Variants in MYOF observed in about 807,000 individuals in gnomAD.
The protein encoded by MYOF is myoferlin.
Under a neutral mutation model 284.2 loss-of-function variants are expected in MYOF, and 244 were observed. The ratio of observed to expected loss-of-function variants is 0.86; its 90% confidence interval spans 0.77 to 0.95. The LOEUF (loss-of-function observed/expected upper bound fraction) is 0.95, where lower values mean the gene tolerates loss of function less well. Among genes scored for constraint, MYOF ranks in the 40% least tolerant of loss-of-function variants. The pLI is 0.00. For missense variants in MYOF, 2,496 were observed against 2,560.6 expected, an observed-to-expected ratio of 0.97 and a Z score of 0.54; for synonymous variants, 904 against 919.7, an observed-to-expected ratio of 0.98 and a Z score of 0.31.
chr10:93,395,445 AAAAT>A (rs1467325238), intron 16 of MYOF, among the ~76,000 whole-genome samples: 2 of 152,224 alleles, frequency 1.3e-5, no homozygotes, highest in African/African-American at 2.4e-5. Context: ...TCTATCTCAA[AAAAT>A]AAATAAGCTG....
chr10:93,441,611 C>T (rs1037859362), intron 3 of MYOF, among the ~76,000 whole-genome samples: 23 of 149,642 alleles, frequency 1.5e-4, no homozygotes, highest in Admixed American at 2.7e-4. Context: ...TCACCCAGGC[C>T]GGAGTGCAAT....
Position 93,323,263 on chromosome 10 carries a change from G to GACTT in MYOF, c.5360+3_5360+6dup. On this transcript the variant is annotated splice_region_variant and intron_variant, in intron 47 of 53. Transcript: ENST00000359263. ...TATGTATCAGGGTCTCAGGATGACTGACTTACTTCTTGGCTTTCCGGGGTG... is the reference window on the plus strand; with the variant it reads ...TATGTATCAGGGTCTCAGGATGACTGACTTACTTACTTCTTGGCTTTCCGGGGTG... 1.2e-6 allele frequency: 2 copies of GACTT among 1,614,066 alleles called. No individual in the cohort carries two copies. The highest frequency in any genetic ancestry group is 8.5e-7 in the Non-Finnish European group (1 of 1,179,918).
At chr10:93,403,994 G>A (rs151034206) in intron 9 of MYOF, 29 bp downstream of exon 9, 1 of 1,608,752 alleles carries the variant, frequency 6.2e-7, no homozygotes, top group African/African-American at 1.3e-5. Context: ...CTTTCTGTAA[G>A]TTGAATGAAG....
chr10:93,311,973 A>G (rs972380078), intron 51 of MYOF, among the ~76,000 whole-genome samples: 3 of 152,200 alleles, frequency 2.0e-5, no homozygotes, highest in Non-Finnish European at 4.4e-5. Flanking sequence ...AGAGAGCACA[A>G]GGAAATTTTG....
rs776831136 is a variant in MYOF at position 93,325,939 on chromosome 10, G to A, written c.5158C>T (p.Leu1720Phe). 2 of 1,613,972 alleles carry A rather than the reference G, an allele frequency of 1.2e-6. No homozygotes were observed. The highest frequency in any genetic ancestry group is 8.5e-7 in the Non-Finnish European group (1 of 1,180,018). Residue 1720 changes from leucine to phenylalanine, a missense_variant, in exon 46 of 54, where the codon CTC (leucine) becomes TTC (phenylalanine). This residue lies in a region of MYOF where 2,436 missense variants were observed against 2,480.7 expected (regional missense o/e 0.98). Transcript: ENST00000359263. ...FEANKILHQH[L>F]GAPEERLALH... is the part of the protein sequence containing the mutation. ...GCAAGCCGCTCTTCAGGGGCCCCGA[G>A]GTGCTGGTGCAGGATTTTGTTGGCT... is the stretch of plus-strand genomic sequence containing the variant.
intron 3 of MYOF, among the ~76,000 whole-genome samples, chr10:93,442,090 A>G (rs2056284096): frequency 6.6e-6 from 1 of 151,430 alleles, no homozygotes; most frequent in African/African-American, 2.4e-5. Flanking sequence ...ATTTTAACAT[A>G]CCTATGTAAA....
At chr10:93,354,730 C>A (rs368267492) in intron 31 of MYOF, among the ~76,000 whole-genome samples, 4 of 136,334 alleles carry the variant, frequency 2.9e-5, no homozygotes, top group East Asian at 4.2e-4. Flanking sequence ...ATTATGATTC[C>A]GTGCACAGAT....
chr10:93,446,764 G>C (rs776729032), intron 3 of MYOF, among the ~76,000 whole-genome samples: 29 of 151,402 alleles, frequency 1.9e-4, no homozygotes, highest in Non-Finnish European at 3.5e-4. Context: ...TCCGTCACCA[G>C]GGCTGGAGCG....
chr10:93,399,958 A>G (rs1317855639), intron 12 of MYOF, among the ~76,000 whole-genome samples: 1 of 152,208 alleles, frequency 6.6e-6, no homozygotes, highest in Non-Finnish European at 1.5e-5. Context: ...AATCACTTGA[A>G]TCTTGCAGTT....
At position 93,378,693 on chromosome 10, in the gene MYOF, G is replaced by GTGTATATA; in HGVS notation, c.2001+1169_2001+1170insTATATACA. 5.0e-4 allele frequency among the ~76,000 whole-genome samples: 44 copies of GTGTATATA among 87,896 alleles called. 2 individuals are homozygous for GTGTATATA. The highest frequency in any genetic ancestry group is 4.1e-3 in the East Asian group (5 of 1,230). The allele number at this position is 87,896 out of a possible 152,430, so 57.7% of individuals were successfully genotyped here. ...TATGTGTGTGTGTATGTGTGTGTGTGTATATATATATATATATATATATGT... is the reference window on the plus strand; with the variant it reads ...TATGTGTGTGTGTATGTGTGTGTGTGTGTATATATATATATATATATATATATATATGT... On this transcript the variant is annotated intron_variant, in intron 21 of 53. Coordinates refer to ENST00000359263, the MANE Select transcript of MYOF (RefSeq NM_013451.4).
chr10:93,443,450 TTCTC>T (rs146232847), intron 3 of MYOF, among the ~76,000 whole-genome samples: 233 of 143,638 alleles, frequency 1.6e-3, no homozygotes, highest in South Asian at 3.8e-3. Context: ...CTCCTCTTTC[TTCTC>T]TCTCTCTCTC....
intron 9 of MYOF, 125 bp downstream of exon 9, chr10:93,403,898 T>C (rs2134098124): frequency 1.0e-6 from 1 of 985,774 alleles, no homozygotes; most frequent in South Asian, 1.4e-5. Context: ...CTTCAGCAAG[T>C]GTCATCATGC....
intron 50 of MYOF, 129 bp from the exon 51 acceptor site, chr10:93,313,339 G>A: frequency 2.4e-6 from 2 of 821,156 alleles, no homozygotes; most frequent in Non-Finnish European, 3.6e-6. Flanking sequence ...GTGAGTTAGA[G>A]AAAGGGAGCC....
chr10:93,378,693 G>GTATATGTA (rs1554849949), intron 21 of MYOF, among the ~76,000 whole-genome samples: 1 of 87,894 alleles, frequency 1.1e-5, no homozygotes, highest in Non-Finnish European at 2.1e-5. Context: ...GTGTGTGTGT[G>GTATATGTA]TATATATATA....
chr10:93,404,257 G>C (rs1267548088), intron 7 of MYOF, 38 bp from the exon 8 acceptor site: 1 of 1,604,482 alleles, frequency 6.2e-7, no homozygotes, highest in African/African-American at 1.3e-5. Context: ...AATGTTAACA[G>C]GGGATTCGGG....
In MYOF at chr10:93,306,660, C is replaced by G. The variant is rs1218025864; in HGVS notation, c.*303G>C. The G allele has an allele frequency of 5.9e-6, 2 of 336,340 alleles. No homozygotes were observed. The highest frequency in any genetic ancestry group is 1.1e-5 in the Non-Finnish European group (2 of 187,584). The allele number at this position is 336,340 out of a possible 1,614,324, so 20.8% of individuals were successfully genotyped here. On this transcript the variant is annotated 3_prime_UTR_variant, in exon 54 of 54. Coordinates refer to ENST00000359263, the MANE Select transcript of MYOF (RefSeq NM_013451.4). Reference sequence around the variant, plus strand: ...ATTTCCAAAAGCTGAAGTCTAGAACCGAAGACACATATAAAAAGATGATTT... The same window carrying G: ...ATTTCCAAAAGCTGAAGTCTAGAACGGAAGACACATATAAAAAGATGATTT...
chr10:93,429,447 A>AT (rs1848738539), intron 4 of MYOF, among the ~76,000 whole-genome samples: 2 of 152,232 alleles, frequency 1.3e-5, no homozygotes. Context: ...CAGTTCTGCC[A>AT]TTCTAGGGGT....
intron 3 of MYOF, among the ~76,000 whole-genome samples, chr10:93,445,225 G>A (rs1010766280): frequency 6.6e-6 from 1 of 152,192 alleles, no homozygotes; most frequent in African/African-American, 2.4e-5. Flanking sequence ...TACAGGCCTG[G>A]ATATAGATGA....
At chr10:93,435,971 A>T (rs951698175) in intron 3 of MYOF, among the ~76,000 whole-genome samples, 10 of 151,622 alleles carry the variant, frequency 6.6e-5, no homozygotes, top group Admixed American at 5.9e-4. Context: ...TCTCTAATTT[A>T]GAGGGAAAAA....
Sources: allele counts gnomAD v4.1 joint callset (sites outside exome capture counted in the v4.1 genomes callset), GRCh38; gene constraint gnomAD v4.1.1; regional missense constraint gnomAD v4.1.1; transcripts MANE v1.5; gene names NCBI Gene and HGNC (gene_info 2026-07-23, HGNC 2026-07-21).